The following SLC27A2 variants were observed in gnomAD, a reference collection of about 807,000 sequenced individuals.
SLC27A2 encodes the protein long-chain fatty acid transport protein 2.
Under a neutral mutation model 60.0 loss-of-function variants are expected in SLC27A2, and 54 were observed. That is an observed-to-expected ratio of 0.90 (90% CI 0.72 to 1.13). SLC27A2 has a LOEUF of 1.13. Ranked by LOEUF, SLC27A2 falls within the 50% of genes most tolerant of loss-of-function variation. The pLI is 0.00. For synonymous variants in SLC27A2, 297 were observed against 297.6 expected, an observed-to-expected ratio of 1.00 and a Z score of 0.02; for missense variants, 739 against 777.6, an observed-to-expected ratio of 0.95 and a Z score of 0.59.
intron 1 of SLC27A2, among the ~76,000 whole-genome samples, chr15:50,196,071 AAAAAAAATATATATATATATATAT>A (rs1278670184): frequency 1.5e-4 from 4 of 26,530 alleles, no homozygotes; most frequent in African/African-American, 4.4e-4. Context: ...AAAAAAAAAA[AAAAAAAATATATATATATATATAT>A]ATATATATAT....
chr15:50,202,383 T>A (rs934365025), intron 2 of SLC27A2, 104 bp from the exon 3 acceptor site: 27 of 1,188,982 alleles, frequency 2.3e-5, no homozygotes, highest in Admixed American at 1.9e-4. Flanking sequence ...CCCAGTGCAA[T>A]TCTCAAAATA....
At chr15:50,190,058 C>A (rs569244121) in intron 1 of SLC27A2, among the ~76,000 whole-genome samples, 1 of 152,078 alleles carries the variant, frequency 6.6e-6, no homozygotes, top group Admixed American at 6.5e-5. Context: ...TTATGACCTC[C>A]GGGTGATTTG....
At chr15:50,192,887 G>GA (rs199584990) in intron 1 of SLC27A2, among the ~76,000 whole-genome samples, 15,277 of 146,198 alleles carry the variant, frequency 0.1, 841 homozygotes, top group Middle Eastern at 0.13. Context: ...TGAAAAATAA[G>GA]AAAAAAAAAA....
chr15:50,221,261 C>G (rs1002761137), intron 4 of SLC27A2, among the ~76,000 whole-genome samples: 5 of 151,910 alleles, frequency 3.3e-5, no homozygotes, highest in Admixed American at 1.3e-4. Flanking sequence ...CATGCAGGTT[C>G]AAAAGGCTTC....
Position 50,233,861 on chromosome 15 carries a change from T to G in SLC27A2, c.1556-7T>G. On this transcript the variant is annotated splice_region_variant and splice_polypyrimidine_tract_variant and intron_variant, in intron 8 of 9. Coordinates refer to ENST00000267842, the MANE Select transcript of SLC27A2 (RefSeq NM_003645.4). ...ACACTTCTAATTTTTTCTCACTTTA[T>G]TTCTAGATCATGAGGGTCGCATTGG... The G allele has an allele frequency of 6.2e-7, 1 of 1,607,672 alleles. No homozygotes were observed. Among genetic ancestry groups the G allele is most frequent in the Non-Finnish European group, 8.5e-7 (1 of 1,177,048 alleles).
chr15:50,186,135 T>TG (rs1379488402), intron 1 of SLC27A2, among the ~76,000 whole-genome samples: 1 of 151,860 alleles, frequency 6.6e-6, no homozygotes, highest in Non-Finnish European at 1.5e-5. Context: ...TCCCAGTTAC[T>TG]GGGGAGGCTG....
At chr15:50,194,796 T>C (rs2045000723) in intron 1 of SLC27A2, among the ~76,000 whole-genome samples, 1 of 151,982 alleles carries the variant, frequency 6.6e-6, no homozygotes, top group Non-Finnish European at 1.5e-5. Context: ...CAGACAAAAT[T>C]TTTTAAAAAA....
Position 50,228,952 on chromosome 15 carries a change from G to A in SLC27A2, c.1465G>A (p.Gly489Arg). 1.2e-6 allele frequency: 2 copies of A among 1,613,234 alleles called. No homozygotes were observed. The highest frequency in any genetic ancestry group is 1.7e-6 in the Non-Finnish European group (2 of 1,179,174). Residue 489 changes from glycine to arginine, a missense_variant, in exon 8 of 10, where the codon GGG (glycine) becomes AGG (arginine). Transcript: ENST00000267842. ...DRVGDTFRWKGENVATTEVAD... is the reference protein window; with the variant it reads ...DRVGDTFRWKRENVATTEVAD... Reference sequence around the variant, plus strand: ...CTTTGTCCTTTCTTCCAGGTGGAAAGGGGAAAATGTGGCCACCACTGAAGT... The same window carrying A: ...CTTTGTCCTTTCTTCCAGGTGGAAAAGGGAAAATGTGGCCACCACTGAAGT...
intron 8 of SLC27A2, among the ~76,000 whole-genome samples, chr15:50,233,273 G>A (rs1038911681): frequency 4.6e-5 from 7 of 152,174 alleles, no homozygotes; most frequent in Admixed American, 1.3e-4. Context: ...GGTGGTATTT[G>A]TGCCCAGAAG....
intron 3 of SLC27A2, 48 bp from the exon 4 acceptor site, chr15:50,205,191 A>AT: frequency 6.4e-7 from 1 of 1,559,218 alleles, no homozygotes; most frequent in Non-Finnish European, 8.7e-7. Context: ...AACTGGGAGA[A>AT]TTTTTTCCAC....
rs1338157307 is a variant in SLC27A2 at position 50,182,540 on chromosome 15, C to T, written c.113C>T (p.Ala38Val). The T allele has an allele frequency of 3.1e-6, 5 of 1,612,752 alleles. No individual in the cohort carries two copies. In the Admixed American group the frequency reaches 8.3e-5, roughly 27 times the overall value. Residue 38 changes from alanine (A) to valine (V), a missense_variant, in exon 1 of 10, where the codon GCC becomes GTC. Coordinates refer to ENST00000267842, the MANE Select transcript of SLC27A2 (RefSeq NM_003645.4). ...QDIGYFLKVA[A>V]VGRRVRSYGK... is the part of the protein sequence containing the mutation. Reference sequence around the variant, plus strand: ...ATAGGCTACTTCTTGAAGGTGGCCGCCGTGGGCCGGAGGGTGCGCAGCTAC... The same window carrying T: ...ATAGGCTACTTCTTGAAGGTGGCCGTCGTGGGCCGGAGGGTGCGCAGCTAC...
At chr15:50,185,621 CT>C (rs531026687) in intron 1 of SLC27A2, among the ~76,000 whole-genome samples, 1,558 of 95,644 alleles carry the variant, frequency 0.016, 1 homozygote, top group African/African-American at 0.027. Flanking sequence ...AGGAAGCTTA[CT>C]TTTTTTTTTT....
intron 1 of SLC27A2, among the ~76,000 whole-genome samples, chr15:50,189,717 A>G (rs1387043268): frequency 6.6e-6 from 1 of 152,218 alleles, no homozygotes; most frequent in Non-Finnish European, 1.5e-5. Context: ...AGTTCAGATT[A>G]TTCTATATAA....
intron 2 of SLC27A2, among the ~76,000 whole-genome samples, chr15:50,200,247 C>A (rs2045053353): frequency 6.6e-6 from 1 of 152,000 alleles, no homozygotes; most frequent in Non-Finnish European, 1.5e-5. Flanking sequence ...GGCAATAAAG[C>A]AAGACCTTGT....
intron 4 of SLC27A2, among the ~76,000 whole-genome samples, chr15:50,221,327 G>A (rs1003379009): frequency 6.6e-6 from 1 of 152,096 alleles, no homozygotes; most frequent in African/African-American, 2.4e-5. Context: ...GGGTGGGGGT[G>A]GGCTGGTCTC....
intron 1 of SLC27A2, among the ~76,000 whole-genome samples, chr15:50,185,268 A>G (rs1331130354): frequency 6.6e-6 from 1 of 152,216 alleles, no homozygotes; most frequent in African/African-American, 2.4e-5. Flanking sequence ...GGGAATTTCT[A>G]TATTAAACTC....
chr15:50,189,041 A>T lies in SLC27A2; in HGVS notation c.478+6136A>T, dbSNP rs543791794. ...TAGATAGATAGATGCATACAAACAT[A>T]CATACATACATACATACATAATGGA... On this transcript the variant is annotated intron_variant, in intron 1 of 9. Transcript: ENST00000267842. 5.6e-5 allele frequency among the ~76,000 whole-genome samples: 8 copies of T among 141,778 alleles called. No homozygotes were observed. The East Asian group carries it at 1.5e-3, about 27-fold the overall frequency. 93.0% of individuals were successfully genotyped at this position (141,778 alleles called of 152,430 possible).
At chr15:50,226,176 C>A in intron 6 of SLC27A2, 98 bp downstream of exon 6, 1 of 751,636 alleles carries the variant, frequency 1.3e-6, no homozygotes, top group South Asian at 1.8e-5. Context: ...TAAAATTTAT[C>A]AGAGTGGGGA....
chr15:50,204,338 C>A (rs1019121483), intron 3 of SLC27A2, among the ~76,000 whole-genome samples: 1 of 151,952 alleles, frequency 6.6e-6, no homozygotes, highest in Non-Finnish European at 1.5e-5. Flanking sequence ...ATGATGGTGT[C>A]CACCTGTAAT....
Sources: gnomAD v4.1 joint callset for allele counts (sites outside exome capture counted in the v4.1 genomes callset) on GRCh38, gnomAD v4.1.1 for gene constraint, MANE v1.5 for transcripts, NCBI Gene and HGNC (gene_info 2026-07-23, HGNC 2026-07-21) for gene names.